Variants in RNF17 observed in about 807,000 individuals in gnomAD.
RNF17 encodes the protein ring finger protein 17.
In RNF17, 31 loss-of-function variants were observed where a neutral mutation model predicts 200.5. That is an observed-to-expected ratio of 0.15 (90% CI 0.12 to 0.21). The LOEUF is 0.21. Ranked by LOEUF, RNF17 falls within the 10% of genes least tolerant of loss-of-function variation. The pLI is 1.00. For missense variants in RNF17, 1,628 were observed against 1,905.1 expected (o/e 0.85, Z 2.71); for synonymous variants, 606 against 637.8 (o/e 0.95, Z 0.75).
At chr13:24,772,886 C>G (rs1490990512) in intron 2 of RNF17, among the ~76,000 whole-genome samples, 1 of 152,184 alleles carries the variant, frequency 6.6e-6, no homozygotes, top group Admixed American at 6.5e-5. Flanking sequence ...GCTGGGATTA[C>G]AGGCGTGAGC....
chr13:24,761,608 A>T (rs184634310), upstream of RNF17, among the ~76,000 whole-genome samples: 1 of 152,358 alleles, frequency 6.6e-6, no homozygotes, highest in East Asian at 1.9e-4. Context: ...CTAGAAAGGC[A>T]CTGGTAGAGA....
In RNF17 at chr13:24,842,031, G is replaced by T; in HGVS notation, c.2483-10G>T. 2 of 1,586,852 alleles carry T rather than the reference G, an allele frequency of 1.3e-6. No individual in the cohort carries two copies. The highest frequency in any genetic ancestry group is 1.2e-5 in the South Asian group (1 of 85,568). ...ATTTCTTTCCCCAAACTTTCTTAATGGTTTTACAGAAATTCTGGAAGATAA... is the reference window on the plus strand; with the variant it reads ...ATTTCTTTCCCCAAACTTTCTTAATTGTTTTACAGAAATTCTGGAAGATAA... On this transcript the variant is annotated splice_polypyrimidine_tract_variant and intron_variant, in intron 18 of 35. Transcript: ENST00000255324.
At chr13:24,781,529 A>C (rs1363872518) in intron 5 of RNF17, among the ~76,000 whole-genome samples, 1 of 151,768 alleles carries the variant, frequency 6.6e-6, no homozygotes, top group Non-Finnish European at 1.5e-5. Flanking sequence ...ATTGCTACTC[A>C]GGAGGCCAAG....
At position 24,861,396 on chromosome 13, in the gene RNF17, A is replaced by C; in HGVS notation, c.3894+9A>C. 6.8e-7 allele frequency: 1 copy of C among 1,473,748 alleles called. No homozygotes were observed. The highest frequency in any genetic ancestry group is 9.1e-7 in the Non-Finnish European group (1 of 1,104,546). The allele number at this position is 1,473,748 out of a possible 1,614,324, so 91.3% of individuals were successfully genotyped here. Reference sequence around the variant, plus strand: ...TCCATAATACCACACCTGTGAGTACATAATAATTTGTGGAATGATTAATTT... The same window carrying C: ...TCCATAATACCACACCTGTGAGTACCTAATAATTTGTGGAATGATTAATTT... On this transcript the variant is annotated intron_variant, in intron 27 of 35. Coordinates refer to ENST00000255324, the MANE Select transcript of RNF17 (RefSeq NM_031277.3).
intron 16 of RNF17, among the ~76,000 whole-genome samples, chr13:24,827,595 G>C (rs1017133316): frequency 6.8e-6 from 1 of 148,142 alleles, no homozygotes; most frequent in African/African-American, 2.5e-5. Flanking sequence ...CCAGCTACTT[G>C]GGAGGCTGAG....
rs367963425 is a variant in RNF17, at chr13:24,870,654, A to G, written c.4362A>G (p.Glu1454=). The G allele has an allele frequency of 3.3e-5, 54 of 1,614,062 alleles. No homozygotes were observed. The East Asian group carries it at 6.0e-4, about 18-fold the overall frequency. The change falls in exon 32 of 36, where the codon GAA becomes GAG. Residue 1454 remains glutamate, a synonymous_variant. Transcript: ENST00000255324. Reference sequence around the variant, plus strand: ...CAGATGATAGTGGAGTCAGCGGGGAATCAGAATCCGAGAGCCTTGATGAAG... The same window carrying G: ...CAGATGATAGTGGAGTCAGCGGGGAGTCAGAATCCGAGAGCCTTGATGAAG... ...SDTDDSGVSG[E]SESESLDEAL...
chr13:24,828,984 T>TA (rs1045358556), intron 16 of RNF17, among the ~76,000 whole-genome samples: 3 of 139,060 alleles, frequency 2.2e-5, no homozygotes, highest in African/African-American at 1.0e-4. Context: ...AATTTATATA[T>TA]TTTTTTTGTA....
chr13:24,758,802 C>T, the RNF17 span, among the ~76,000 whole-genome samples: 16 of 152,034 alleles, frequency 1.1e-4, no homozygotes, highest in African/African-American at 1.9e-4. Context: ...TTCGGCTGGG[C>T]GCGGTGGCTC....
intron 2 of RNF17, among the ~76,000 whole-genome samples, chr13:24,773,646 T>C (rs532523792): frequency 3.3e-5 from 5 of 152,318 alleles, no homozygotes; most frequent in African/African-American, 1.2e-4. Context: ...CTCAGCATCA[T>C]GCCCTACACC....
At chr13:24,857,117 C>T (rs1012342165) in intron 25 of RNF17, among the ~76,000 whole-genome samples, 2 of 152,054 alleles carry the variant, frequency 1.3e-5, no homozygotes, top group South Asian at 4.2e-4. Context: ...TTCAGCCTGG[C>T]TGGAAGAATA....
intron 15 of RNF17, among the ~76,000 whole-genome samples, chr13:24,814,981 G>A (rs1207941107): frequency 6.6e-6 from 1 of 152,158 alleles, no homozygotes; most frequent in Non-Finnish European, 1.5e-5. Flanking sequence ...CAGCTTTGCT[G>A]AATTAATTTG....
intron 11 of RNF17, among the ~76,000 whole-genome samples, chr13:24,797,893 G>A (rs1203272556): frequency 6.6e-6 from 1 of 152,018 alleles, no homozygotes; most frequent in Non-Finnish European, 1.5e-5. Flanking sequence ...AATTCATAAA[G>A]TATTTGATAA....
At chr13:24,761,754 G>C (rs1213143052), upstream of RNF17, among the ~76,000 whole-genome samples, 4 of 152,146 alleles carry the variant, frequency 2.6e-5, no homozygotes, top group African/African-American at 9.7e-5. Flanking sequence ...CTCTATTTGA[G>C]GGTTCTTGGT....
intron 34 of RNF17, among the ~76,000 whole-genome samples, chr13:24,878,483 CAGAGA>C (rs1809355894): frequency 6.6e-6 from 1 of 152,172 alleles, no homozygotes; most frequent in African/African-American, 2.4e-5. Context: ...GCTGGAGAAC[CAGAGA>C]AGCTGGTAGC....
chr13:24,884,522 T>G, downstream of RNF17: 1 of 1,545,016 alleles, frequency 6.5e-7, no homozygotes, highest in South Asian at 1.1e-5. Flanking sequence ...GTATGGCTAA[T>G]TCTCCTCCCA....
At chr13:24,850,269 A>ATAG (rs1202824230) in intron 22 of RNF17, 72 bp from the exon 23 acceptor site, 3 of 916,186 alleles carry the variant, frequency 3.3e-6, no homozygotes, top group Admixed American at 4.0e-5. Flanking sequence ...GTGTGTAAAT[A>ATAG]TAGTGTTTTT....
chr13:24,837,479 T>C (rs1203327921), intron 18 of RNF17, among the ~76,000 whole-genome samples: 2 of 151,906 alleles, frequency 1.3e-5, no homozygotes, highest in Non-Finnish European at 2.9e-5. Flanking sequence ...TTTAAGAAAA[T>C]TGAAATTATA....
downstream of RNF17, among the ~76,000 whole-genome samples, chr13:24,881,852 CTATATAGA>C (rs200133382): frequency 0.05 from 5,922 of 117,888 alleles, 453 homozygotes; most frequent in East Asian, 0.15. Context: ...ATAGATACAT[CTATATAGA>C]TATATAGATA....
chr13:24,748,695 A>G, the RNF17 span, among the ~76,000 whole-genome samples: 575 of 152,238 alleles, frequency 3.8e-3, 3 homozygotes, highest in Non-Finnish European at 6.2e-3. Flanking sequence ...TTTATTCCTC[A>G]TAAGTGTAAT....
Sources: gnomAD v4.1 joint callset for allele counts (sites outside exome capture counted in the v4.1 genomes callset) on GRCh38, gnomAD v4.1.1 for gene constraint, MANE v1.5 for transcripts, NCBI Gene and HGNC (gene_info 2026-07-23, HGNC 2026-07-21) for gene names.